Variants in SAMTOR observed in about 807,000 individuals in gnomAD.
SAMTOR encodes the protein S-adenosylmethionine sensor upstream of mTORC1.
the SAMTOR span, among the ~76,000 whole-genome samples, chr7:112,853,957 T>C: frequency 1.3e-5 from 2 of 152,138 alleles, no homozygotes; most frequent in Non-Finnish European, 1.5e-5. Flanking sequence ...AGAAAATGCG[T>C]TGAGAGTCAG....
the SAMTOR span, chr7:112,895,738 C>T: frequency 3.3e-6 from 5 of 1,511,968 alleles, no homozygotes; most frequent in South Asian, 2.6e-5. Flanking sequence ...TCTCTGCATA[C>T]ACTACAAGTA....
At chr7:112,861,070 G>C in the SAMTOR span, among the ~76,000 whole-genome samples, 862 of 152,150 alleles carry the variant, frequency 5.7e-3, 14 homozygotes, top group African/African-American at 0.019. Flanking sequence ...ATTTACATTT[G>C]CTCATATCAT....
the SAMTOR span, among the ~76,000 whole-genome samples, chr7:112,832,853 G>A: frequency 6.6e-6 from 1 of 152,134 alleles, no homozygotes; most frequent in Non-Finnish European, 1.5e-5. Context: ...CATATTTGAA[G>A]TTAAGATGAA....
chr7:112,902,385 C>T, the SAMTOR span, among the ~76,000 whole-genome samples: 3 of 126,066 alleles, frequency 2.4e-5, no homozygotes, highest in African/African-American at 6.1e-5. Context: ...CATTGCACTC[C>T]AGCCTGGGCA....
chr7:112,893,773 G>A, the SAMTOR span, among the ~76,000 whole-genome samples: 16 of 152,300 alleles, frequency 1.1e-4, 1 homozygote, highest in South Asian at 8.3e-4. Flanking sequence ...ACAGTGGCAC[G>A]CACCTGTAGT....
chr7:112,834,365 C>T, the SAMTOR span, among the ~76,000 whole-genome samples: 1 of 151,500 alleles, frequency 6.6e-6, no homozygotes, highest in Non-Finnish European at 1.5e-5. Flanking sequence ...TATCTTTTTT[C>T]CCATGGATAC....
chr7:112,922,306 C>T, the SAMTOR span, among the ~76,000 whole-genome samples: 2 of 152,192 alleles, frequency 1.3e-5, no homozygotes, highest in Non-Finnish European at 2.9e-5. Flanking sequence ...CGGCTTGCTA[C>T]AACCTCCACC....
the SAMTOR span, among the ~76,000 whole-genome samples, chr7:112,937,876 T>C: frequency 1.3e-4 from 19 of 151,288 alleles, 1 homozygote; most frequent in South Asian, 3.8e-3. Flanking sequence ...TAAAACATGG[T>C]TAAACATGTG....
At chr7:112,931,259 T>C in the SAMTOR span, among the ~76,000 whole-genome samples, 660 of 151,452 alleles carry the variant, frequency 4.4e-3, 7 homozygotes, top group Middle Eastern at 0.014. Context: ...CAAAATAATA[T>C]AGAGAGCAGG....
At chr7:112,824,933 G>T in the SAMTOR span, among the ~76,000 whole-genome samples, 10 of 152,216 alleles carry the variant, frequency 6.6e-5, no homozygotes, top group African/African-American at 2.4e-4. Flanking sequence ...GTTGTTTTGA[G>T]CTATTATTCT....
chr7:112,892,335 G>T, the SAMTOR span, among the ~76,000 whole-genome samples: 1 of 152,198 alleles, frequency 6.6e-6, no homozygotes, highest in Admixed American at 6.5e-5. Flanking sequence ...TTAATATTCT[G>T]ATCTGCTCCC....
the SAMTOR span, among the ~76,000 whole-genome samples, chr7:112,876,549 G>A: frequency 1.3e-5 from 2 of 152,034 alleles, no homozygotes; most frequent in Admixed American, 6.6e-5. Context: ...TTACAACTCC[G>A]TAAAATCTCT....
chr7:112,856,756 A>T, the SAMTOR span, among the ~76,000 whole-genome samples: 1 of 152,268 alleles, frequency 6.6e-6, no homozygotes, highest in South Asian at 2.1e-4. Context: ...AAATGTATTT[A>T]CATATTTAAT....
chr7:112,844,555 A>C, the SAMTOR span, among the ~76,000 whole-genome samples: 1 of 152,098 alleles, frequency 6.6e-6, no homozygotes, highest in African/African-American at 2.4e-5. Flanking sequence ...CGGAAGGTGG[A>C]TGATCTCTAG....
the SAMTOR span, among the ~76,000 whole-genome samples, chr7:112,921,398 A>G: frequency 6.6e-6 from 1 of 151,550 alleles, no homozygotes; most frequent in Non-Finnish European, 1.5e-5. Context: ...AGCCATATGT[A>G]GAAAGCTGAA....
chr7:112,917,288 G>A, the SAMTOR span, among the ~76,000 whole-genome samples: 3 of 152,198 alleles, frequency 2.0e-5, no homozygotes, highest in Non-Finnish European at 2.9e-5. Context: ...CAGCATTCGC[G>A]GTTCACGAAA....
the SAMTOR span, among the ~76,000 whole-genome samples, chr7:112,860,912 C>CAAAAAAA: frequency 1.1e-4 from 5 of 45,922 alleles, no homozygotes; most frequent in Non-Finnish European, 1.8e-4. Flanking sequence ...GACTCTGTCT[C>CAAAAAAA]AAAAAAAAAA....
chr7:112,919,932 G>A, the SAMTOR span, among the ~76,000 whole-genome samples: 2 of 152,140 alleles, frequency 1.3e-5, no homozygotes, highest in Non-Finnish European at 2.9e-5. Context: ...ACCAATAACA[G>A]GCTCTGAAAT....
the SAMTOR span, among the ~76,000 whole-genome samples, chr7:112,932,497 A>C: frequency 6.6e-6 from 1 of 152,238 alleles, no homozygotes; most frequent in Non-Finnish European, 1.5e-5. Flanking sequence ...TAAAAAGATA[A>C]AACTCAACTA....
Sources: allele counts gnomAD v4.1 joint callset (sites outside exome capture counted in the v4.1 genomes callset), GRCh38; gene constraint gnomAD v4.1.1; transcripts MANE v1.5; gene names NCBI Gene and HGNC (gene_info 2026-07-23, HGNC 2026-07-21).